Variants in PTPRD observed in about 807,000 individuals in gnomAD.
PTPRD encodes the protein receptor-type tyrosine-protein phosphatase delta.
PTPRD carries 34 observed loss-of-function variants against 214.5 expected under a neutral mutation model. The ratio of observed to expected loss-of-function variants is 0.16; its 90% CI spans 0.12 to 0.21. The LOEUF (loss-of-function observed/expected upper bound fraction) is 0.21. Ranked by LOEUF, PTPRD falls within the 10% of genes least tolerant of loss-of-function variation. The probability of loss-of-function intolerance (pLI) is 1.00; values close to 1 mark genes in which losing one functional copy is unlikely to be tolerated. For missense variants in PTPRD, 2,545 were observed against 2,398.7 expected, an observed-to-expected ratio of 1.06 and a Z score of -1.27; for synonymous variants, 1,128 against 845.7, an observed-to-expected ratio of 1.33 and a Z score of -5.79.
At chr9:10,456,709 A>T (rs1045268834) in intron 2 of PTPRD, among the ~76,000 whole-genome samples, 2 of 151,690 alleles carry the variant, frequency 1.3e-5, no homozygotes, top group Admixed American at 1.3e-4. Flanking sequence ...TTTTCTTACT[A>T]ACCATCTCTT....
At chr9:8,784,849 C>G (rs373974249) in intron 11 of PTPRD, among the ~76,000 whole-genome samples, 66 of 152,290 alleles carry the variant, frequency 4.3e-4, no homozygotes, top group Non-Finnish European at 8.1e-4. Flanking sequence ...CCATATCTTA[C>G]AGTTATCATT....
intron 2 of PTPRD, among the ~76,000 whole-genome samples, chr9:10,383,872 G>C (rs527589250): frequency 6.6e-6 from 1 of 151,844 alleles, no homozygotes; most frequent in South Asian, 2.1e-4. Flanking sequence ...ATGAGCACGT[G>C]ATTACAGCGT....
intron 11 of PTPRD, among the ~76,000 whole-genome samples, chr9:8,816,656 T>G (rs2096925578): frequency 6.6e-6 from 1 of 152,132 alleles, no homozygotes; most frequent in South Asian, 2.1e-4. Flanking sequence ...AACACTACAT[T>G]TGTTACCCTG....
chr9:8,660,475 T>A (rs2097018568), intron 12 of PTPRD, among the ~76,000 whole-genome samples: 1 of 152,276 alleles, frequency 6.6e-6, no homozygotes, highest in South Asian at 2.1e-4. Context: ...TAAAAAACAC[T>A]GTTTCTCACA....
chr9:10,595,675 A>T (rs1290818767), intron 2 of PTPRD, among the ~76,000 whole-genome samples: 1 of 151,544 alleles, frequency 6.6e-6, no homozygotes, highest in East Asian at 1.9e-4. Context: ...ATAAAAAATT[A>T]GAATTATGTA....
intron 9 of PTPRD, among the ~76,000 whole-genome samples, chr9:9,193,526 C>T (rs2099936508): frequency 1.3e-5 from 2 of 152,156 alleles, no homozygotes; most frequent in Non-Finnish European, 1.5e-5. Context: ...GTATAGCCTA[C>T]TACAAACCTA....
At chr9:9,506,767 G>A (rs1176332181) in intron 8 of PTPRD, among the ~76,000 whole-genome samples, 1 of 151,382 alleles carries the variant, frequency 6.6e-6, no homozygotes, top group Non-Finnish European at 1.5e-5. Context: ...GGCTCTGACT[G>A]AGACATCTTC....
At chr9:10,524,225 T>C (rs538497263) in intron 2 of PTPRD, among the ~76,000 whole-genome samples, 1 of 152,180 alleles carries the variant, frequency 6.6e-6, no homozygotes, top group Admixed American at 6.6e-5. Context: ...ATCCTTAGCA[T>C]GTTCCAAAGA....
chr9:9,084,266 G>A (rs2099763625), intron 10 of PTPRD, among the ~76,000 whole-genome samples: 1 of 152,158 alleles, frequency 6.6e-6, no homozygotes, highest in Admixed American at 6.6e-5. Flanking sequence ...CATGGATGAA[G>A]CTAGAAACCA....
chr9:9,833,505 CG>C, intron 5 of PTPRD, among the ~76,000 whole-genome samples: 1 of 151,890 alleles, frequency 6.6e-6, no homozygotes, highest in South Asian at 2.1e-4. Flanking sequence ...AATGAAGTTT[CG>C]GGCACCATTG....
chr9:8,534,548 A>C (rs1290796784), intron 14 of PTPRD, among the ~76,000 whole-genome samples: 1 of 151,832 alleles, frequency 6.6e-6, no homozygotes. Context: ...TGAGTGAGAA[A>C]AGTTTTCATT....
At chr9:8,505,436 C>A (rs530477903) in intron 22 of PTPRD, among the ~76,000 whole-genome samples, 91 of 152,116 alleles carry the variant, frequency 6.0e-4, no homozygotes, top group Non-Finnish European at 9.3e-4. Context: ...TCCTGGCTAA[C>A]ATGGTGAAAT....
intron 5 of PTPRD, among the ~76,000 whole-genome samples, chr9:9,879,134 A>C (rs547392243): frequency 6.6e-6 from 1 of 152,228 alleles, no homozygotes; most frequent in Non-Finnish European, 1.5e-5. Flanking sequence ...CTTAGGCTCC[A>C]TTCTCCATAG....
chr9:8,486,923 A>T (rs1374331192), intron 27 of PTPRD, among the ~76,000 whole-genome samples: 1 of 152,204 alleles, frequency 6.6e-6, no homozygotes, highest in Non-Finnish European at 1.5e-5. Context: ...AGAAATCTAT[A>T]AGGCAAACCC....
chr9:9,345,638 T>C (rs969164164), intron 9 of PTPRD, among the ~76,000 whole-genome samples: 30 of 152,168 alleles, frequency 2.0e-4, no homozygotes, highest in African/African-American at 3.1e-4. Flanking sequence ...TAGATTAGCA[T>C]TGAGGCTAAA....
intron 2 of PTPRD, among the ~76,000 whole-genome samples, chr9:10,363,991 G>GTTTTTTTGTTTTTTTGT (rs1485501417): frequency 2.8e-5 from 1 of 35,132 alleles, no homozygotes; most frequent in African/African-American, 1.2e-4. Context: ...ACATTTTCGG[G>GTTTTTTTGTTTTTTTGT]TTTTTTTTTT....
rs148745202 is a variant in PTPRD at position 9,750,239 on chromosome 9, C to T, written c.-325-15668G>A. On this transcript the variant is annotated intron_variant, in intron 6 of 45. Coordinates refer to ENST00000381196, the MANE Select transcript of PTPRD (RefSeq NM_002839.4). ...TCTAGCAATTATATACTTTATGTAA[C>T]TATTATTGAAATGCTCAAAAATAAA... Among the ~76,000 whole-genome samples, 298 of 152,028 alleles carry T rather than the reference C, an allele frequency of 2.0e-3. 1 individual carries two copies. The highest frequency in any genetic ancestry group is 6.7e-3 in the African/African-American group (279 of 41,472).
intron 8 of PTPRD, among the ~76,000 whole-genome samples, chr9:9,557,376 C>G (rs1388984009): frequency 1.3e-5 from 2 of 152,124 alleles, no homozygotes; most frequent in Non-Finnish European, 2.9e-5. Context: ...CAACCTAACT[C>G]TAACATAGCA....
intron 14 of PTPRD, among the ~76,000 whole-genome samples, chr9:8,631,363 G>A (rs1223654333): frequency 1.3e-5 from 2 of 151,756 alleles, no homozygotes; most frequent in Non-Finnish European, 2.9e-5. Context: ...GTGGATCAGA[G>A]ACTATGATTT....
Sources: allele counts gnomAD v4.1 joint callset (sites outside exome capture counted in the v4.1 genomes callset), GRCh38; gene constraint gnomAD v4.1.1; transcripts MANE v1.5; gene names NCBI Gene and HGNC (gene_info 2026-07-23, HGNC 2026-07-21).